NRG1: variants seen among roughly 807,000 people sequenced by gnomAD.
NRG1 encodes the protein pro-neuregulin-1, membrane-bound isoform.
A neutral mutation model predicts 63.8 loss-of-function variants in NRG1; 18 were observed. That is an observed-to-expected ratio of 0.28 (90% CI 0.19 to 0.42). The LOEUF (loss-of-function observed/expected upper bound fraction) is 0.42, where lower values mean the gene tolerates loss of function less well. NRG1 is among the 10% of genes least tolerant of loss of function. The pLI is 1.00. For synonymous variants in NRG1, 302 were observed against 301.3 expected, an observed-to-expected ratio of 1.00 and a Z score of -0.02; for missense variants, 762 against 814.7, an observed-to-expected ratio of 0.94 and a Z score of 0.79.
At chr8:32,454,369 C>G (rs1821338863) in intron 1 of NRG1, among the ~76,000 whole-genome samples, 1 of 152,110 alleles carries the variant, frequency 6.6e-6, no homozygotes, top group South Asian at 2.1e-4. Context: ...GAGAACCACT[C>G]ATGTATGGCC....
intron 1 of NRG1, among the ~76,000 whole-genome samples, chr8:31,732,955 C>T (rs988932900): frequency 2.0e-5 from 3 of 152,076 alleles, no homozygotes; most frequent in Admixed American, 6.6e-5. Context: ...TTATTTATTC[C>T]TCTCCTATGT....
chr8:32,385,869 C>G (rs1302708353), intron 1 of NRG1, among the ~76,000 whole-genome samples: 3 of 152,188 alleles, frequency 2.0e-5, no homozygotes, highest in African/African-American at 4.8e-5. Flanking sequence ...CTACTTGACA[C>G]CAATCTTTTC....
At chr8:32,111,627 C>T (rs533112412) in intron 1 of NRG1, among the ~76,000 whole-genome samples, 7 of 152,280 alleles carry the variant, frequency 4.6e-5, no homozygotes, top group Non-Finnish European at 7.4e-5. Flanking sequence ...TCCAATATTT[C>T]TCAAGACTCC....
chr8:32,298,331 CAG>C (rs951968557), intron 1 of NRG1, among the ~76,000 whole-genome samples: 1 of 152,180 alleles, frequency 6.6e-6, no homozygotes, highest in Non-Finnish European at 1.5e-5. Context: ...ACTACAGACT[CAG>C]AGGGAGTATG....
intron 1 of NRG1, among the ~76,000 whole-genome samples, chr8:32,366,574 T>C (rs1425034269): frequency 6.6e-6 from 1 of 151,404 alleles, no homozygotes. Flanking sequence ...TATATACACA[T>C]ATAACGTCTG....
At chr8:32,412,459 T>TACAC (rs1815214267) in intron 1 of NRG1, among the ~76,000 whole-genome samples, 1 of 49,668 alleles carries the variant, frequency 2.0e-5, no homozygotes, top group African/African-American at 6.1e-5. Flanking sequence ...TATACATATA[T>TACAC]ATATATATAT....
chr8:31,691,509 G>A lies in NRG1; in HGVS notation c.37+52078G>A, dbSNP rs540420068. 2.8e-3 allele frequency among the ~76,000 whole-genome samples: 396 copies of A among 140,990 alleles called. 3 individuals are homozygous for A. Among genetic ancestry groups the A allele is most frequent in the Non-Finnish European group, 3.3e-3 (216 of 65,906 alleles). 92.5% of individuals were successfully genotyped at this position (140,990 alleles called of 152,430 possible). ...ACTCGGGAGGCTGAGGCGGGAGAAC[G>A]GCATGAACCCGGGAGGCGGAGCTTG... On this transcript the variant is annotated intron_variant, in intron 1 of 10. Coordinates refer to the NRG1 transcript ENST00000519301.
Position 31,689,018 on chromosome 8 carries a change from T to C in NRG1, c.37+49587T>C, listed in dbSNP as rs117175914. ...CCTTCATTCCTTGACTTGTGACTTC[T>C]TCCTCCATCTTAAAAGCCAGCAGAC... On this transcript the variant is annotated intron_variant, in intron 1 of 10. Coordinates refer to the NRG1 transcript ENST00000519301. 0.01 allele frequency among the ~76,000 whole-genome samples: 1,523 copies of C among 152,288 alleles called. 46 individuals are homozygous for C. The South Asian group carries it at 0.12, about 12-fold the overall frequency.
chr8:32,331,893 A>G (rs1377874958), intron 1 of NRG1, among the ~76,000 whole-genome samples: 1 of 152,178 alleles, frequency 6.6e-6, no homozygotes, highest in Non-Finnish European at 1.5e-5. Flanking sequence ...ATCTTACATC[A>G]GCTTGCTCAA....
At chr8:32,749,704 A>G (rs1828299032) in intron 7 of NRG1, 1 of 884,872 alleles carries the variant, frequency 1.1e-6, no homozygotes, top group Non-Finnish European at 1.8e-6. Context: ...TTTAGAAGGG[A>G]TCATACAGCT....
intron 1 of NRG1, among the ~76,000 whole-genome samples, chr8:31,671,031 C>T (rs1349345216): frequency 6.6e-6 from 1 of 152,180 alleles, no homozygotes; most frequent in African/African-American, 2.4e-5. Flanking sequence ...ATATTTAGCT[C>T]CCACTTATAA....
intron 1 of NRG1, among the ~76,000 whole-genome samples, chr8:32,517,395 T>C (rs776201837): frequency 6.6e-6 from 1 of 152,170 alleles, no homozygotes; most frequent in Non-Finnish European, 1.5e-5. Context: ...ATTCAGGATA[T>C]ACCTTCTAAG....
intron 1 of NRG1, among the ~76,000 whole-genome samples, chr8:32,338,217 T>C (rs1297635910): frequency 3.3e-5 from 5 of 152,202 alleles, no homozygotes; most frequent in Admixed American, 2.0e-4. Flanking sequence ...AAAGGTACCA[T>C]GTGAAAGAAT....
chr8:31,807,609 C>T (rs1370490571), intron 1 of NRG1, among the ~76,000 whole-genome samples: 1 of 152,116 alleles, frequency 6.6e-6, no homozygotes, highest in Non-Finnish European at 1.5e-5. Context: ...GAACATGCTA[C>T]TACCTTCAAT....
chr8:31,774,707 G>C (rs952373753), intron 1 of NRG1, among the ~76,000 whole-genome samples: 1 of 152,048 alleles, frequency 6.6e-6, no homozygotes, highest in Non-Finnish European at 1.5e-5. Flanking sequence ...TTAAGTCCCA[G>C]TTGTCTGCAA....
intron 1 of NRG1, among the ~76,000 whole-genome samples, chr8:31,720,368 G>T (rs560007494): frequency 1.3e-5 from 2 of 152,208 alleles, no homozygotes; most frequent in South Asian, 2.1e-4. Context: ...GGATGTGCAG[G>T]TTTGTTACAT....
At position 32,170,752 on chromosome 8, in the gene NRG1, A is replaced by G. The variant is rs7813888; in HGVS notation, c.38-425076A>G. Among the ~76,000 whole-genome samples, 1,322 of 152,332 alleles carry G rather than the reference A, an allele frequency of 8.7e-3. 27 individuals carry two copies. Among genetic ancestry groups the G allele is most frequent in the African/African-American group, 0.03 (1,229 of 41,566 alleles). On this transcript the variant is annotated intron_variant, in intron 1 of 10. Coordinates refer to the NRG1 transcript ENST00000519301. Reference sequence around the variant, plus strand: ...AAGATGGAAATGATTTGGAGTATCTAGTCTCCAAAGTGATTGCTCTAGAGA... The same window carrying G: ...AAGATGGAAATGATTTGGAGTATCTGGTCTCCAAAGTGATTGCTCTAGAGA...
At chr8:32,708,742 C>T (rs917774115) in intron 5 of NRG1, among the ~76,000 whole-genome samples, 2 of 152,186 alleles carry the variant, frequency 1.3e-5, no homozygotes, top group Non-Finnish European at 2.9e-5. Context: ...TCCTTTCTCT[C>T]GGTTTCTCTC....
At chr8:32,529,061 G>C (rs567149869) in intron 1 of NRG1, among the ~76,000 whole-genome samples, 2 of 152,160 alleles carry the variant, frequency 1.3e-5, no homozygotes, top group South Asian at 4.2e-4. Context: ...AACATCATAG[G>C]GTATATTTAC....
Sources: allele counts gnomAD v4.1 joint callset (sites outside exome capture counted in the v4.1 genomes callset), GRCh38; gene constraint gnomAD v4.1.1; transcripts MANE v1.5; gene names NCBI Gene and HGNC (gene_info 2026-07-23, HGNC 2026-07-21).